The following LARP4B variants were observed in gnomAD, a reference collection of about 807,000 sequenced individuals.
LARP4B encodes the protein la-related protein 4B.
In LARP4B, 12 loss-of-function variants were observed where a neutral mutation model predicts 89.8. The ratio of observed to expected loss-of-function variants is 0.13; its 90% CI spans 0.09 to 0.22. The LOEUF (loss-of-function observed/expected upper bound fraction) is 0.22, where lower values mean the gene tolerates loss of function less well. LARP4B is among the 10% of genes least tolerant of loss of function. LARP4B has a pLI of 1.00. For missense variants in LARP4B, 757 were observed against 947.7 expected, an observed-to-expected ratio of 0.80 and a Z score of 2.64; for synonymous variants, 367 against 363.3, an observed-to-expected ratio of 1.01 and a Z score of -0.12.
chr10:839,657 G>C (rs1833418873), intron 7 of LARP4B, among the ~76,000 whole-genome samples: 1 of 152,196 alleles, frequency 6.6e-6, no homozygotes, highest in Non-Finnish European at 1.5e-5. Context: ...AGTGTCAGAA[G>C]GATATGGGGC....
At chr10:945,654 C>T in the LARP4B span, among the ~76,000 whole-genome samples, 1 of 150,848 alleles carries the variant, frequency 6.6e-6, no homozygotes, top group Non-Finnish European at 1.5e-5. Context: ...CGCCACTGCA[C>T]TCCAGCCTGG....
intron 1 of LARP4B, among the ~76,000 whole-genome samples, chr10:901,015 G>C (rs1435697047): frequency 6.6e-6 from 1 of 150,428 alleles, no homozygotes; most frequent in Admixed American, 6.7e-5. Context: ...TGCCTCCTGG[G>C]TTCAAGCGAT....
At chr10:946,151 G>A in the LARP4B span, among the ~76,000 whole-genome samples, 1 of 152,206 alleles carries the variant, frequency 6.6e-6, no homozygotes, top group East Asian at 1.9e-4. Flanking sequence ...CGGAAAAAAG[G>A]TCTCTCTATG....
At position 822,640 on chromosome 10, in the gene LARP4B, C is replaced by A. The variant is rs1190460598; in HGVS notation, c.1485-1795G>T. ...CTGAGCCAAGGCTCAGTGACAGGGC[C>A]ATGGTGGGTTACAGCTCACAAGGGG... On this transcript the variant is annotated intron_variant, in intron 13 of 17. Transcript: ENST00000316157. The surrounding 1 kb of genome is among the most constrained non-coding windows in gnomAD (Gnocchi z 4.6). Among the ~76,000 whole-genome samples, 1 of 152,218 alleles carries A rather than the reference C, an allele frequency of 6.6e-6. No individual in the cohort carries two copies.
chr10:893,789 T>A (rs1438234768), intron 1 of LARP4B, among the ~76,000 whole-genome samples: 2 of 152,052 alleles, frequency 1.3e-5, no homozygotes, highest in African/African-American at 4.8e-5. Context: ...GGATTCCCAA[T>A]AGCCATGCAC....
the LARP4B span, among the ~76,000 whole-genome samples, chr10:938,789 G>A: frequency 1.3e-5 from 2 of 152,206 alleles, no homozygotes; most frequent in African/African-American, 4.8e-5. Context: ...GGATATATAA[G>A]TGGCTGCAAT....
chr10:912,921 A>T (rs1479368728), intron 1 of LARP4B, among the ~76,000 whole-genome samples: 1 of 152,166 alleles, frequency 6.6e-6, no homozygotes, highest in Admixed American at 6.6e-5. Context: ...GAACCTCTTT[A>T]TAAAAGAAAC....
intron 1 of LARP4B, among the ~76,000 whole-genome samples, chr10:911,782 A>G (rs1836672325): frequency 6.6e-6 from 1 of 151,968 alleles, no homozygotes; most frequent in South Asian, 2.1e-4. Flanking sequence ...GCGCTGTCCA[A>G]TTTCGTGGTT....
At chr10:911,080 T>C (rs556840526) in intron 1 of LARP4B, among the ~76,000 whole-genome samples, 122 of 152,316 alleles carry the variant, frequency 8.0e-4, no homozygotes, top group African/African-American at 2.6e-3. Flanking sequence ...TGTGTGCACT[T>C]AGGGGGCACT....
chr10:906,185 TGA>T (rs759200688), intron 1 of LARP4B, among the ~76,000 whole-genome samples: 2 of 152,238 alleles, frequency 1.3e-5, no homozygotes, highest in Admixed American at 6.5e-5. Flanking sequence ...AAAGTGCAGC[TGA>T]GAGACAGGAA....
chr10:932,222 C>T (rs1463568515), upstream of LARP4B, among the ~76,000 whole-genome samples: 1 of 146,044 alleles, frequency 6.8e-6, no homozygotes, highest in Non-Finnish European at 1.5e-5. Context: ...CAGGCCCCGA[C>T]CCTGGCCACC....
At chr10:859,100 GA>G (rs1282499839) in intron 5 of LARP4B, among the ~76,000 whole-genome samples, 1 of 151,870 alleles carries the variant, frequency 6.6e-6, no homozygotes, top group Non-Finnish European at 1.5e-5. Context: ...CCAACATGGT[GA>G]AACCCCGTAT....
rs150970228 is a variant in LARP4B, at chr10:876,124, G to A, written c.141+8323C>T. The stretch of plus-strand genomic sequence containing the variant: ...TTCCCGACCAGGTGCGATGGCTCAC[G>A]CCTGTAATCCCAACACTTAGGGAGG... On this transcript the variant is annotated intron_variant, in intron 3 of 17. Coordinates refer to ENST00000316157, the MANE Select transcript of LARP4B (RefSeq NM_015155.3). 7.6e-4 allele frequency among the ~76,000 whole-genome samples: 115 copies of A among 152,264 alleles called. No individual in the cohort carries two copies. In the East Asian group the frequency reaches 0.02, roughly 27 times the overall value.
At chr10:969,884 C>G in the LARP4B span, among the ~76,000 whole-genome samples, 11 of 152,146 alleles carry the variant, frequency 7.2e-5, no homozygotes, top group African/African-American at 2.7e-4. Context: ...GACCTGCATG[C>G]CCACATGGAA....
intron 1 of LARP4B, among the ~76,000 whole-genome samples, chr10:892,701 A>G (rs1333058535): frequency 6.6e-6 from 1 of 151,128 alleles, no homozygotes; most frequent in Non-Finnish European, 1.5e-5. Context: ...CACCACACCC[A>G]GCTAATTTTT....
Position 909,070 on chromosome 10 carries a change from A to G in LARP4B, c.-40+22358T>C, listed in dbSNP as rs187420259. Among the ~76,000 whole-genome samples, 463 of 152,070 alleles carry G rather than the reference A, an allele frequency of 3.0e-3. 1 individual carries two copies. Among genetic ancestry groups the G allele is most frequent in the African/African-American group, 7.5e-3 (310 of 41,488 alleles). On this transcript the variant is annotated intron_variant, in intron 1 of 17. Coordinates refer to ENST00000316157, the MANE Select transcript of LARP4B (RefSeq NM_015155.3). ...AGCACTTTGGGAGGCTGAGGCGGGC[A>G]GATCACAAGGTCAGGAGATCAAGAT...
At chr10:836,959 T>G (rs1833253130) in intron 7 of LARP4B, among the ~76,000 whole-genome samples, 1 of 152,208 alleles carries the variant, frequency 6.6e-6, no homozygotes, top group Non-Finnish European at 1.5e-5. Context: ...TAAATTGGGT[T>G]TTGGCATCAC....
At chr10:973,965 C>T in the LARP4B span, among the ~76,000 whole-genome samples, 1 of 152,134 alleles carries the variant, frequency 6.6e-6, no homozygotes, top group South Asian at 2.1e-4. Context: ...TGGGAATAAC[C>T]TTAGGAAGTG....
intron 5 of LARP4B, among the ~76,000 whole-genome samples, chr10:851,969 G>A (rs1834076337): frequency 1.3e-5 from 2 of 152,182 alleles, no homozygotes; most frequent in Admixed American, 6.5e-5. Flanking sequence ...GGGAGGCTAA[G>A]GCGGGAGAAT....
Sources: gnomAD v4.1 joint callset for allele counts (sites outside exome capture counted in the v4.1 genomes callset) on GRCh38, gnomAD v4.1.1 for gene constraint, Gnocchi (gnomAD v3.1) non-coding constraint, MANE v1.5 for transcripts, NCBI Gene and HGNC (gene_info 2026-07-23, HGNC 2026-07-21) for gene names.